Variants in ENAH observed in about 807,000 individuals in gnomAD.
The protein encoded by ENAH is ENAH actin regulator.
Under a neutral mutation model 78.7 loss-of-function variants are expected in ENAH, and 23 were observed. The observed-to-expected ratio is 0.29, with a 90% CI of 0.21 to 0.41. ENAH has a LOEUF of 0.41. Among genes scored for constraint, ENAH ranks in the 10% least tolerant of loss-of-function variants. The pLI is 1.00. For synonymous variants in ENAH, 226 were observed against 241.0 expected (o/e 0.94, Z 0.58); for missense variants, 544 against 691.0 (o/e 0.79, Z 2.39).
intron 3 of ENAH, among the ~76,000 whole-genome samples, chr1:225,551,366 A>G (rs2096639696): frequency 1.3e-5 from 2 of 152,184 alleles, no homozygotes; most frequent in South Asian, 4.1e-4. Flanking sequence ...CACACAGAGC[A>G]CCTTGTAAAG....
chr1:225,501,283 A>G, intron 11 of ENAH: 1 of 464,838 alleles, frequency 2.2e-6, no homozygotes, highest in Non-Finnish European at 3.8e-6. Flanking sequence ...TAAAGGAACT[A>G]GAAAAAGGTG....
chr1:225,614,550 G>C (rs562165662), intron 1 of ENAH, among the ~76,000 whole-genome samples: 9 of 152,212 alleles, frequency 5.9e-5, no homozygotes, highest in Admixed American at 3.9e-4. Context: ...TTTGTATAGA[G>C]GCTTCATTAT....
At chr1:225,651,495 GATTAT>G (rs1663001158) in intron 1 of ENAH, among the ~76,000 whole-genome samples, 1 of 152,158 alleles carries the variant, frequency 6.6e-6, no homozygotes, top group South Asian at 2.1e-4. Flanking sequence ...GGAATTTGTA[GATTAT>G]ATCATTCAAA....
At chr1:225,646,434 G>T (rs1385643799) in intron 1 of ENAH, among the ~76,000 whole-genome samples, 2 of 152,070 alleles carry the variant, frequency 1.3e-5, no homozygotes, top group Admixed American at 6.6e-5. Context: ...CAGAGAGAAG[G>T]ATATCTTCTG....
At chr1:225,598,176 G>A (rs17562052) in intron 1 of ENAH, among the ~76,000 whole-genome samples, 6,509 of 152,166 alleles carry the variant, frequency 0.043, 227 homozygotes, top group South Asian at 0.1. Context: ...CCACTTACAA[G>A]AGGATTCCTA....
chr1:225,504,265 T>G (rs193001222), intron 11 of ENAH, among the ~76,000 whole-genome samples: 26 of 152,234 alleles, frequency 1.7e-4, no homozygotes, highest in African/African-American at 6.3e-4. Flanking sequence ...AGCCTTGGCC[T>G]CCCAAGGTGC....
At chr1:225,503,366 C>T (rs538092823) in intron 11 of ENAH, among the ~76,000 whole-genome samples, 5 of 152,060 alleles carry the variant, frequency 3.3e-5, no homozygotes, top group East Asian at 1.9e-4. Flanking sequence ...CTCAGCTCAC[C>T]GCAGCCTTGA....
chr1:225,573,633 A>G (rs567845001), intron 1 of ENAH, among the ~76,000 whole-genome samples: 2 of 152,222 alleles, frequency 1.3e-5, no homozygotes, highest in Non-Finnish European at 2.9e-5. Context: ...CAGACGAGAA[A>G]AAAAGGAGGG....
intron 1 of ENAH, among the ~76,000 whole-genome samples, chr1:225,625,188 A>C (rs559200178): frequency 1.3e-5 from 2 of 152,352 alleles, no homozygotes; most frequent in Non-Finnish European, 2.9e-5. Flanking sequence ...TTAGTTTTAA[A>C]AGCTAGGGTA....
intron 3 of ENAH, among the ~76,000 whole-genome samples, chr1:225,546,977 T>C (rs1575480535): frequency 6.6e-6 from 1 of 152,218 alleles, no homozygotes; most frequent in African/African-American, 2.4e-5. Context: ...ATTTTCTTCA[T>C]ACAGTAGAAA....
At chr1:225,561,444 A>C (rs2096705226) in intron 2 of ENAH, among the ~76,000 whole-genome samples, 1 of 148,138 alleles carries the variant, frequency 6.8e-6, no homozygotes, top group South Asian at 2.2e-4. Flanking sequence ...CAACATGGTG[A>C]AACCCTGTCT....
At chr1:225,498,465 A>G in intron 12 of ENAH, 61 bp from the exon 13 acceptor site, 1 of 1,055,660 alleles carries the variant, frequency 9.5e-7, no homozygotes, top group East Asian at 2.6e-5. Context: ...AGAGATTCTT[A>G]CTCATAAAAT....
intron 5 of ENAH, 28 bp downstream of exon 5, chr1:225,519,170 A>C: frequency 1.9e-6 from 3 of 1,605,292 alleles, no homozygotes; most frequent in Non-Finnish European, 2.6e-6. Flanking sequence ...CAGATACAAG[A>C]ACACAGAAGA....
chr1:225,528,313 G>A (rs548456342), intron 4 of ENAH, among the ~76,000 whole-genome samples: 5 of 152,154 alleles, frequency 3.3e-5, no homozygotes, highest in Admixed American at 6.5e-5. Context: ...AAATGACAAC[G>A]TAGAAAGGAT....
At chr1:225,551,949 T>G (rs539375399) in intron 3 of ENAH, among the ~76,000 whole-genome samples, 2 of 152,092 alleles carry the variant, frequency 1.3e-5, no homozygotes, top group Admixed American at 1.3e-4. Context: ...CAGCAGCCAA[T>G]TGGCTGTGAA....
chr1:225,646,714 G>A (rs950037446), intron 1 of ENAH, among the ~76,000 whole-genome samples: 7 of 151,950 alleles, frequency 4.6e-5, no homozygotes, highest in African/African-American at 1.4e-4. Context: ...GTGTGAACCC[G>A]GGAGGCAGAG....
chr1:225,610,159 A>AT (rs1179434016), intron 1 of ENAH, among the ~76,000 whole-genome samples: 3 of 145,840 alleles, frequency 2.1e-5, no homozygotes, highest in East Asian at 3.9e-4. Flanking sequence ...ATTATGTTCA[A>AT]TAAAAAAAAA....
intron 4 of ENAH, among the ~76,000 whole-genome samples, chr1:225,520,613 T>A (rs2096459481): frequency 6.6e-6 from 1 of 151,974 alleles, no homozygotes; most frequent in South Asian, 2.1e-4. Context: ...ATCCTAGCAC[T>A]TTGGGAGGCT....
chr1:225,573,627 C>T (rs766452495), intron 1 of ENAH, among the ~76,000 whole-genome samples: 3 of 151,218 alleles, frequency 2.0e-5, no homozygotes, highest in East Asian at 3.9e-4. Context: ...AAATACCAGA[C>T]GAGAAAAAAA....
Sources: gnomAD v4.1 joint callset for allele counts (sites outside exome capture counted in the v4.1 genomes callset) on GRCh38, gnomAD v4.1.1 for gene constraint, MANE v1.5 for transcripts, NCBI Gene and HGNC (gene_info 2026-07-23, HGNC 2026-07-21) for gene names.